Variants in SETD5 observed in about 807,000 individuals in gnomAD.
The protein encoded by SETD5 is histone-lysine N-methyltransferase SETD5.
In SETD5, 44 loss-of-function variants were observed where a neutral mutation model predicts 153.3. The ratio of observed to expected loss-of-function variants is 0.29; its 90% CI spans 0.23 to 0.37. SETD5 has a LOEUF of 0.37. Among genes scored for constraint, SETD5 ranks in the 10% least tolerant of loss-of-function variants. The pLI, the probability that SETD5 is intolerant of heterozygous loss-of-function variation, is 1.00. For missense variants in SETD5, 1,544 were observed against 1,768.0 expected (o/e 0.87, Z 2.27); for synonymous variants, 716 against 645.2 (o/e 1.11, Z -1.66).
intron 16 of SETD5, among the ~76,000 whole-genome samples, chr3:9,451,095 C>G (rs2042575952): frequency 6.6e-6 from 1 of 152,144 alleles, no homozygotes. Flanking sequence ...AACTCCTCTT[C>G]TAAACACAAT....
intron 18 of SETD5, among the ~76,000 whole-genome samples, chr3:9,466,601 AC>A (rs926179374): frequency 6.6e-6 from 1 of 152,108 alleles, no homozygotes; most frequent in African/African-American, 2.4e-5. Flanking sequence ...AGATTTCACC[AC>A]CCTGACCCAT....
At position 9,475,945 on chromosome 3, in the gene SETD5, G is replaced by A. The variant is rs2045814093; in HGVS notation, c.4183G>A (p.Gly1395Arg). The A allele has an allele frequency of 6.2e-7, 1 of 1,613,836 alleles. No homozygotes were observed. Reference protein sequence around the residue: ...DLRTISLPSAGQSAVYQASRV... With the variant: ...DLRTISLPSARQSAVYQASRV... ...ACGGACTATCAGTCTGCCCAGTGCT[G>A]GGCAGTCAGCTGTCTACCAGGCCTC... The change falls in exon 23 of 23, where the codon GGG becomes AGG. Residue 1395 changes from glycine (G) to arginine (R), a missense_variant. Physicochemically the swap from Gly to Arg is moderately radical, Grantham distance 125. Around this residue, in one of 9 missense-constraint regions of SETD5, gnomAD observed 302 missense variants for 277.6 expected, o/e 1.09. Coordinates refer to ENST00000402198, the MANE Select transcript of SETD5 (RefSeq NM_001080517.3).
chr3:9,471,394 G>T (rs1306045196), intron 19 of SETD5, among the ~76,000 whole-genome samples: 2 of 152,228 alleles, frequency 1.3e-5, no homozygotes, highest in African/African-American at 2.4e-5. Context: ...GGAGTGAGAG[G>T]CAGCAGGTTA....
At chr3:9,441,793 A>G in intron 9 of SETD5, 52 bp downstream of exon 9, 1 of 1,606,156 alleles carries the variant, frequency 6.2e-7, no homozygotes, top group South Asian at 1.1e-5. Context: ...CTGGTTGACC[A>G]GTGTTGTTGT....
intron 13 of SETD5, 88 bp from the exon 14 acceptor site, chr3:9,446,962 G>A (rs1044038563): frequency 2.1e-6 from 2 of 934,404 alleles, no homozygotes; most frequent in African/African-American, 1.7e-5. Flanking sequence ...ATGAATTTCT[G>A]TAAATTTCCA....
intron 11 of SETD5, among the ~76,000 whole-genome samples, chr3:9,443,818 C>T (rs1167813423): frequency 1.3e-5 from 2 of 152,172 alleles, no homozygotes; most frequent in Admixed American, 1.3e-4. Flanking sequence ...GTAATCTCAA[C>T]ACTTTGGAAG....
chr3:9,468,819 GTGTT>G (rs1388776170), intron 18 of SETD5, among the ~76,000 whole-genome samples: 4 of 152,176 alleles, frequency 2.6e-5, no homozygotes, highest in African/African-American at 9.6e-5. Context: ...TGTTGTGTGT[GTGTT>G]TGGTGGGGTT....
At chr3:9,423,089 T>C (rs1455784259) in intron 1 of SETD5, 1 of 152,258 alleles carries the variant, frequency 6.6e-6, no homozygotes, top group Non-Finnish European at 1.5e-5. Flanking sequence ...AATTTCTTCT[T>C]CTGAAATCTG....
intron 21 of SETD5, 151 bp downstream of exon 21, chr3:9,474,733 G>C: frequency 9.4e-7 from 1 of 1,062,546 alleles, no homozygotes; most frequent in Non-Finnish European, 1.3e-6. Flanking sequence ...ATGCTCATTT[G>C]GGCTACCACA....
intron 20 of SETD5, among the ~76,000 whole-genome samples, chr3:9,473,757 G>C (rs974117500): frequency 1.3e-5 from 2 of 152,196 alleles, no homozygotes; most frequent in African/African-American, 4.8e-5. Context: ...CTGTGGAGCA[G>C]TGCTTTGGAT....
At chr3:9,442,076 G>A (rs1052679363) in intron 9 of SETD5, 52 bp from the exon 10 acceptor site, 1 of 1,206,932 alleles carries the variant, frequency 8.3e-7, no homozygotes, top group Non-Finnish European at 1.2e-6. Context: ...GAGTCATGGG[G>A]TGGCCTTCTT....
chr3:9,398,827 A>G (rs963832616), intron 1 of SETD5, among the ~76,000 whole-genome samples: 3 of 152,202 alleles, frequency 2.0e-5, no homozygotes, highest in African/African-American at 7.2e-5. Context: ...AGCCCCTTCT[A>G]TGCTAATTGA....
Position 9,447,887 on chromosome 3 carries a change from G to A in SETD5, c.1984G>A (p.Ala662Thr). Reference protein sequence around the residue: ...GSNSLVTPTEAGSLDSSGENR... With the variant: ...GSNSLVTPTETGSLDSSGENR... Reference sequence around the variant, plus strand: ...TAACAGTTTAGTAACTCCTACTGAAGCTGGAAGTCTAGACAGTTCAGGAGA... The same window carrying A: ...TAACAGTTTAGTAACTCCTACTGAAACTGGAAGTCTAGACAGTTCAGGAGA... Residue 662 changes from alanine (A) to threonine (T), a missense_variant, in exon 15 of 23, where the codon GCT (alanine) becomes ACT (threonine). By Grantham distance (58) the Ala-to-Thr change is moderately conservative. Around this residue, in one of 9 missense-constraint regions of SETD5, gnomAD observed 782 missense variants for 787.2 expected, o/e 0.99. Transcript: ENST00000402198. The A allele has an allele frequency of 6.2e-7, 1 of 1,614,010 alleles. No individual in the cohort carries two copies. Among genetic ancestry groups the A allele is most frequent in the South Asian group, 1.1e-5 (1 of 91,086 alleles).
At chr3:9,441,996 G>A (rs918763265) in intron 9 of SETD5, 132 bp from the exon 10 acceptor site, 6 of 740,322 alleles carry the variant, frequency 8.1e-6, no homozygotes, top group South Asian at 3.6e-5. Context: ...GCAGACAAAC[G>A]TGATGCTTTC....
At chr3:9,453,044 T>A (rs924332607) in intron 16 of SETD5, among the ~76,000 whole-genome samples, 11 of 152,222 alleles carry the variant, frequency 7.2e-5, no homozygotes, top group Non-Finnish European at 1.3e-4. Context: ...TCTTGTCAGT[T>A]TATTATTCTA....
At chr3:9,433,531 G>C (rs2040207090) in intron 3 of SETD5, 5 of 1,294,212 alleles carry the variant, frequency 3.9e-6, no homozygotes, top group Non-Finnish European at 5.0e-6. Flanking sequence ...AGCCCAGAGT[G>C]GCTTCTCTAG....
At chr3:9,417,611 A>C (rs3885754) in intron 1 of SETD5, among the ~76,000 whole-genome samples, 96 of 149,108 alleles carry the variant, frequency 6.4e-4, no homozygotes, top group African/African-American at 2.3e-3. Flanking sequence ...TCAGCCTCCC[A>C]AGTAGCTGAG....
At chr3:9,406,738 A>C (rs2035767565) in intron 1 of SETD5, among the ~76,000 whole-genome samples, 1 of 152,192 alleles carries the variant, frequency 6.6e-6, no homozygotes, top group African/African-American at 2.4e-5. Flanking sequence ...TTAATGTCGT[A>C]ATTTAGTAAT....
chr3:9,420,004 A>G (rs1006462196), intron 1 of SETD5, among the ~76,000 whole-genome samples: 2 of 152,212 alleles, frequency 1.3e-5, no homozygotes, highest in African/African-American at 4.8e-5. Context: ...CAGAACCTTC[A>G]GAAAGTGTTG....
Sources: allele counts gnomAD v4.1 joint callset (sites outside exome capture counted in the v4.1 genomes callset), GRCh38; gene constraint gnomAD v4.1.1; regional missense constraint gnomAD v4.1.1; transcripts MANE v1.5; gene names NCBI Gene and HGNC (gene_info 2026-07-23, HGNC 2026-07-21).